MTUS2: variants seen among roughly 807,000 people sequenced by gnomAD.
The protein encoded by MTUS2 is microtubule associated scaffold protein 2.
Under a neutral mutation model 114.1 loss-of-function variants are expected in MTUS2, and 40 were observed. The ratio of observed to expected loss-of-function variants is 0.35; its 90% CI spans 0.27 to 0.46. The LOEUF (loss-of-function observed/expected upper bound fraction) is 0.46. Among genes scored for constraint, MTUS2 ranks in the 20% least tolerant of loss-of-function variants. The probability of loss-of-function intolerance (pLI) is 1.00; values close to 1 mark genes in which losing one functional copy is unlikely to be tolerated. For synonymous variants in MTUS2, 688 were observed against 672.0 expected, an observed-to-expected ratio of 1.02 and a Z score of -0.37; for missense variants, 1,679 against 1,705.4, an observed-to-expected ratio of 0.98 and a Z score of 0.27.
At chr13:29,011,264 A>G (rs1004462038) in intron 2 of MTUS2, among the ~76,000 whole-genome samples, 4 of 152,128 alleles carry the variant, frequency 2.6e-5, no homozygotes, top group African/African-American at 9.7e-5. Context: ...GCTTTTGAGA[A>G]TGTTTGATTT....
intron 5 of MTUS2, among the ~76,000 whole-genome samples, chr13:29,197,992 G>T (rs561578037): frequency 6.6e-6 from 1 of 152,206 alleles, no homozygotes; most frequent in South Asian, 2.1e-4. Flanking sequence ...ATTCTCCCAT[G>T]CAAAAATTTT....
chr13:29,371,166 T>C (rs1371763903), intron 8 of MTUS2, among the ~76,000 whole-genome samples: 1 of 152,100 alleles, frequency 6.6e-6, no homozygotes. Context: ...AGCACTGATA[T>C]GCTTTTTATT....
chr13:28,909,072 A>G lies in MTUS2; in HGVS notation c.-243+69222A>G, dbSNP rs555072491. On this transcript the variant is annotated intron_variant, in intron 2 of 15. Coordinates refer to ENST00000612955, the MANE Select transcript of MTUS2 (RefSeq NM_001033602.4). Reference sequence around the variant, plus strand: ...ATATCTCTGTTTTGGTACCAGTACCATGCTGTTTTGGTTACTGTAGCCTTG... The same window carrying G: ...ATATCTCTGTTTTGGTACCAGTACCGTGCTGTTTTGGTTACTGTAGCCTTG... 6.8e-3 allele frequency among the ~76,000 whole-genome samples: 1,027 copies of G among 151,654 alleles called. 25 individuals are homozygous for G. The highest frequency in any genetic ancestry group is 0.024 in the African/African-American group (993 of 41,166).
At chr13:29,324,417 A>G (rs1900391949) in intron 6 of MTUS2, among the ~76,000 whole-genome samples, 196 bp from the exon 7 acceptor site, 2 of 152,172 alleles carry the variant, frequency 1.3e-5, no homozygotes, top group Non-Finnish European at 2.9e-5. Flanking sequence ...ACCACTCAAA[A>G]CTAAATTCCC....
intron 5 of MTUS2, among the ~76,000 whole-genome samples, chr13:29,111,506 G>A (rs4325394): frequency 0.97 from 147,879 of 152,268 alleles, 71,895 homozygotes; most frequent in Non-Finnish European, 0.99. Flanking sequence ...CATACATTTT[G>A]TTGCTTTTAT....
intron 2 of MTUS2, among the ~76,000 whole-genome samples, chr13:28,870,792 T>G (rs1462020105): frequency 6.6e-6 from 1 of 152,156 alleles, no homozygotes; most frequent in Non-Finnish European, 1.5e-5. Context: ...AGAAAGTGGA[T>G]TGCTTTGAAA....
intron 5 of MTUS2, among the ~76,000 whole-genome samples, chr13:29,174,848 C>T (rs1294711993): frequency 6.6e-6 from 1 of 152,168 alleles, no homozygotes; most frequent in Non-Finnish European, 1.5e-5. Flanking sequence ...TTGAGACTTA[C>T]ATTTTATAAA....
chr13:29,396,087 C>T (rs576720275), intron 8 of MTUS2, among the ~76,000 whole-genome samples: 4 of 152,220 alleles, frequency 2.6e-5, no homozygotes, highest in South Asian at 2.1e-4. Flanking sequence ...ACTAAGTCAC[C>T]GGCATTTGTT....
intron 12 of MTUS2, among the ~76,000 whole-genome samples, chr13:29,494,990 G>C (rs2138994268): frequency 6.6e-6 from 1 of 152,026 alleles, no homozygotes; most frequent in African/African-American, 2.4e-5. Context: ...TTTGAGACCA[G>C]CCTGGACAAC....
At chr13:29,350,775 C>G (rs1424757258) in intron 7 of MTUS2, among the ~76,000 whole-genome samples, 1 of 151,656 alleles carries the variant, frequency 6.6e-6, no homozygotes, top group Non-Finnish European at 1.5e-5. Flanking sequence ...GGCCCTCTTC[C>G]TTGTTTGCAG....
rs948342291 is a variant in MTUS2 at position 28,820,603 on chromosome 13, T to C, written c.-324T>C. On this transcript the variant is annotated 5_prime_UTR_variant, in exon 1 of 16. Coordinates refer to ENST00000612955, the MANE Select transcript of MTUS2 (RefSeq NM_001033602.4). ...GACATTACATCTTTCTTGGCTCTTT[T>C]TGACCCAGGTGAGCGAATCCTCTGC... 1 of 152,220 alleles carries C rather than the reference T, an allele frequency of 6.6e-6. No homozygotes were observed. Among genetic ancestry groups the C allele is most frequent in the Admixed American group, 6.5e-5 (1 of 15,276 alleles). 9.4% of individuals were successfully genotyped at this position (152,220 alleles called of 1,614,324 possible).
At chr13:29,082,029 G>A (rs917855136) in intron 4 of MTUS2, among the ~76,000 whole-genome samples, 1 of 152,126 alleles carries the variant, frequency 6.6e-6, no homozygotes, top group Non-Finnish European at 1.5e-5. Context: ...TTCATATGTT[G>A]AAGTTCTAAC....
chr13:29,158,124 C>T (rs1445229861), intron 5 of MTUS2, among the ~76,000 whole-genome samples: 2 of 152,252 alleles, frequency 1.3e-5, no homozygotes, highest in East Asian at 1.9e-4. Flanking sequence ...AAGCTCTTCA[C>T]TCCAAGGGGA....
At chr13:29,397,164 T>C (rs1873968254) in intron 8 of MTUS2, among the ~76,000 whole-genome samples, 1 of 152,142 alleles carries the variant, frequency 6.6e-6, no homozygotes, top group Non-Finnish European at 1.5e-5. Context: ...CTTGACCTTC[T>C]TAACTCCAGA....
intron 5 of MTUS2, among the ~76,000 whole-genome samples, chr13:29,101,819 G>T (rs1244603984): frequency 6.6e-6 from 1 of 152,224 alleles, no homozygotes; most frequent in African/African-American, 2.4e-5. Flanking sequence ...AAGAGAGAGA[G>T]AGAGATCGAT....
chr13:29,447,262 A>C (rs759147612), intron 9 of MTUS2, among the ~76,000 whole-genome samples: 2 of 152,322 alleles, frequency 1.3e-5, no homozygotes, highest in Non-Finnish European at 2.9e-5. Context: ...TATATGATGC[A>C]TACAAAAGAA....
intron 5 of MTUS2, among the ~76,000 whole-genome samples, chr13:29,248,709 T>C (rs1897015214): frequency 6.6e-6 from 1 of 152,210 alleles, no homozygotes; most frequent in South Asian, 2.1e-4. Flanking sequence ...CTCCCACTTA[T>C]GAGTGAGAAC....
intron 4 of MTUS2, among the ~76,000 whole-genome samples, chr13:29,076,141 C>G (rs1467674120): frequency 6.6e-6 from 1 of 152,200 alleles, no homozygotes; most frequent in South Asian, 2.1e-4. Context: ...CCTCAGCTTC[C>G]TTTAAGCCTT....
chr13:28,947,475 C>T (rs912093849), intron 2 of MTUS2, among the ~76,000 whole-genome samples: 24 of 152,158 alleles, frequency 1.6e-4, no homozygotes, highest in African/African-American at 7.2e-5. Flanking sequence ...AATATGTTTG[C>T]GAATGACATA....
Sources: allele counts gnomAD v4.1 joint callset (sites outside exome capture counted in the v4.1 genomes callset), GRCh38; gene constraint gnomAD v4.1.1; transcripts MANE v1.5; gene names NCBI Gene and HGNC (gene_info 2026-07-23, HGNC 2026-07-21).